The following LOXHD1 variants were observed in gnomAD, a reference collection of about 807,000 sequenced individuals.
The protein encoded by LOXHD1 is lipoxygenase homology domain-containing protein 1.
LOXHD1 carries 205 observed loss-of-function variants against 248.2 expected under a neutral mutation model. That is an observed-to-expected ratio of 0.83 (90% CI 0.74 to 0.93). The LOEUF (loss-of-function observed/expected upper bound fraction) is 0.93. LOXHD1 is among the 40% of genes least tolerant of loss of function. LOXHD1 has a pLI of 0.00. For synonymous variants in LOXHD1, 1,113 were observed against 1,162.8 expected (o/e 0.96, Z 0.87); for missense variants, 2,930 against 2,971.6 (o/e 0.99, Z 0.33).
In LOXHD1 at chr18:46,489,061, C is replaced by G. The variant is rs541903327; in HGVS notation, c.5960G>C (p.Cys1987Ser). Reference sequence around the variant, plus strand: ...GTCACCCTCACTCTTGGAGAGCCAGCAGTCACACTGGAAGTGGAAGGTCTC... The same window carrying G: ...GTCACCCTCACTCTTGGAGAGCCAGGAGTCACACTGGAAGTGGAAGGTCTC... ...RDETFHFQCD[C>S]WLSKSEGDGQ... is the part of the protein sequence containing the mutation. Residue 1987 changes from cysteine (C) to serine (S), a missense_variant, in exon 38 of 41, where the codon TGC (cysteine) becomes TCC (serine). Cys to Ser is a moderately radical substitution (Grantham distance 112, BLOSUM62 -1). Coordinates refer to ENST00000642948, the MANE Select transcript of LOXHD1 (RefSeq NM_001384474.1). 6.4e-7 allele frequency: 1 copy of G among 1,551,726 alleles called. No individual in the cohort carries two copies. Among genetic ancestry groups the G allele is most frequent in the South Asian group, 1.2e-5 (1 of 84,064 alleles).
intron 25 of LOXHD1, among the ~76,000 whole-genome samples, chr18:46,539,129 C>T (rs1159833893): frequency 1.3e-5 from 2 of 152,150 alleles, no homozygotes; most frequent in Non-Finnish European, 2.9e-5. Flanking sequence ...GGGTGGAAGA[C>T]CTTTGCTTCA....
chr18:46,625,243 G>C (rs562611258), intron 4 of LOXHD1, among the ~76,000 whole-genome samples: 4 of 152,128 alleles, frequency 2.6e-5, no homozygotes, highest in South Asian at 4.1e-4. Flanking sequence ...CACAGCTCCC[G>C]GTGTGTGCGT....
rs1468549117 is a variant in LOXHD1 at position 46,538,235 on chromosome 18, T to C, written c.4016A>G (p.Gln1339Arg). 1.3e-6 allele frequency: 2 copies of C among 1,550,710 alleles called. No homozygotes were observed. Among genetic ancestry groups the C allele is most frequent in the Non-Finnish European group, 1.7e-6 (2 of 1,146,108 alleles). The change falls in exon 26 of 41, where the codon CAG becomes CGG. Residue 1339 changes from glutamine (Q) to arginine (R), a missense_variant. Gln to Arg is a conservative substitution (Grantham distance 43). Transcript: ENST00000642948. ...CTTGTTGGTACACAGATACTTCTGCTGGGTGCACACGGCATCGCAGCCATA... is the reference window on the plus strand; with the variant it reads ...CTTGTTGGTACACAGATACTTCTGCCGGGTGCACACGGCATCGCAGCCATA... ...IIYGCDAVCT[Q>R]QKYLCTNKRE...
At chr18:46,636,274 A>T (rs1169981291) in intron 4 of LOXHD1, among the ~76,000 whole-genome samples, 4 of 152,218 alleles carry the variant, frequency 2.6e-5, no homozygotes, top group Admixed American at 2.6e-4. Flanking sequence ...AGAAGAGCCT[A>T]GAGACGAAAC....
Position 46,577,715 on chromosome 18 carries a change from T to A in LOXHD1, c.1962A>T (p.Pro654=). ...GQPESDNVEF[P]CLRWLDKDKD... ...AGGCAGGACGCATGTACCTGAGACA[T>A]GGGAACTCCACGTTGTCGCTCTCAG... Residue 654 remains proline (P), a synonymous_variant, in exon 14 of 41, where the codon CCA becomes CCT. Coordinates refer to ENST00000642948, the MANE Select transcript of LOXHD1 (RefSeq NM_001384474.1). The A allele has an allele frequency of 6.4e-7, 1 of 1,551,074 alleles. No individual in the cohort carries two copies. Among genetic ancestry groups the A allele is most frequent in the South Asian group, 1.2e-5 (1 of 84,038 alleles).
Position 46,542,878 on chromosome 18 carries a change from A to C in LOXHD1, c.3620-23T>G, listed in dbSNP as rs1321813407. ...TTCCTGTGGATCAGATGACCCCAGC[A>C]TGACTGGCTGGACCTGAGGCCTTTC... On this transcript the variant is annotated intron_variant, in intron 23 of 40. Transcript: ENST00000642948. 9 of 1,551,738 alleles carry C rather than the reference A, an allele frequency of 5.8e-6. No individual in the cohort carries two copies. In the East Asian group the frequency reaches 2.0e-4, roughly 34 times the overall value.
intron 6 of LOXHD1, among the ~76,000 whole-genome samples, chr18:46,610,221 T>TA: frequency 6.6e-6 from 1 of 152,118 alleles, no homozygotes; most frequent in African/African-American, 2.4e-5. Context: ...GGGCTTCCTG[T>TA]AAAAAAGGAT....
Position 46,533,121 on chromosome 18 carries a change from G to C in LOXHD1, c.4375+41C>G, listed in dbSNP as rs567096025. 13 of 1,548,486 alleles carry C rather than the reference G, an allele frequency of 8.4e-6. 1 individual carries two copies. In the East Asian group the frequency reaches 1.5e-4, roughly 17 times the overall value. On this transcript the variant is annotated intron_variant, in intron 28 of 40. Transcript: ENST00000642948. ...TGTGCTCAGGAGGACCAGGGTCCTG[G>C]AGCCTTCCCATGGTGATGAGGGTGG...
chr18:46,489,645 CT>C (rs1453980898), intron 37 of LOXHD1, among the ~76,000 whole-genome samples: 1 of 152,206 alleles, frequency 6.6e-6, no homozygotes, highest in Non-Finnish European at 1.5e-5. Flanking sequence ...CTGATGTCCC[CT>C]GATCACCTGC....
At chr18:46,639,412 A>G (rs183907871) in intron 4 of LOXHD1, among the ~76,000 whole-genome samples, 63 of 152,288 alleles carry the variant, frequency 4.1e-4, no homozygotes, top group African/African-American at 1.5e-3. Flanking sequence ...CACCTCCTTG[A>G]ACCCCTAGAG....
chr18:46,493,895 C>A (rs1462207297), intron 37 of LOXHD1, among the ~76,000 whole-genome samples: 1 of 152,222 alleles, frequency 6.6e-6, no homozygotes, highest in Non-Finnish European at 1.5e-5. Flanking sequence ...TGACTCCAAT[C>A]ATCTTATCTC....
intron 8 of LOXHD1, among the ~76,000 whole-genome samples, chr18:46,596,103 T>A (rs2038252917): frequency 6.6e-6 from 1 of 151,750 alleles, no homozygotes; most frequent in African/African-American, 2.4e-5. Flanking sequence ...ATTGTTTTGT[T>A]AAACATAACT....
intron 21 of LOXHD1, among the ~76,000 whole-genome samples, chr18:46,553,639 C>G (rs1012892199): frequency 1.3e-5 from 2 of 152,166 alleles, no homozygotes; most frequent in African/African-American, 2.4e-5. Flanking sequence ...GTGGACACAG[C>G]AGTAAATGAA....
At chr18:46,634,375 C>A (rs2038865902) in intron 4 of LOXHD1, among the ~76,000 whole-genome samples, 2 of 152,174 alleles carry the variant, frequency 1.3e-5, no homozygotes, top group Non-Finnish European at 2.9e-5. Flanking sequence ...GTATCCCTAA[C>A]ACAGAAATCC....
At chr18:46,639,549 G>A (rs752439333) in intron 4 of LOXHD1, 67 bp downstream of exon 4, 17 of 1,498,934 alleles carry the variant, frequency 1.1e-5, no homozygotes, top group African/African-American at 4.1e-5. Flanking sequence ...AGACAGGCAC[G>A]ATTCTTTCCT....
chr18:46,640,225 G>A (rs1282983301), intron 3 of LOXHD1, among the ~76,000 whole-genome samples: 1 of 152,158 alleles, frequency 6.6e-6, no homozygotes, highest in East Asian at 1.9e-4. Flanking sequence ...GGTCAAACAG[G>A]ACAGTAAAGG....
rs1256277774 is a variant in LOXHD1, at chr18:46,494,847, C to CTTTTTTTTTT, written c.5879-5706_5879-5705insAAAAAAAAAA. On this transcript the variant is annotated intron_variant, in intron 37 of 40. Transcript: ENST00000642948. ...ATTTTTCTTTCTCCTTTTTCTCTCTCTCTTTTTTTTTTTTTTTTTTTTTTG... is the reference window on the plus strand; with the variant it reads ...ATTTTTCTTTCTCCTTTTTCTCTCTCTTTTTTTTTTTCTTTTTTTTTTTTTTTTTTTTTTG... Among the ~76,000 whole-genome samples, 312 of 113,256 alleles carry CTTTTTTTTTT rather than the reference C, an allele frequency of 2.8e-3. 9 individuals are homozygous for CTTTTTTTTTT. The highest frequency in any genetic ancestry group is 4.3e-3 in the Non-Finnish European group (221 of 51,990). The allele number at this position is 113,256 out of a possible 152,430, so 74.3% of individuals were successfully genotyped here. A position where few individuals can be genotyped will look rare whatever the true frequency, so the allele number is the denominator to read the frequency against.
intron 4 of LOXHD1, among the ~76,000 whole-genome samples, chr18:46,627,334 A>C (rs1369850205): frequency 6.6e-6 from 1 of 151,934 alleles, no homozygotes; most frequent in Non-Finnish European, 1.5e-5. Flanking sequence ...ACTTTCTCTG[A>C]CTCTCACTGG....
chr18:46,604,107 T>C lies in LOXHD1; in HGVS notation c.882A>G (p.Thr294=). The C allele has an allele frequency of 6.4e-7, 1 of 1,551,734 alleles. No homozygotes were observed. The highest frequency in any genetic ancestry group is 8.7e-7 in the Non-Finnish European group (1 of 1,146,986). The part of the protein sequence containing the change: ...RDILVGGAET[T]AITYIVTVFT... ...AGCCTCCCCTTTCTTCAAATCTACC[T>C]GTGGTCTCAGCTCCGCCCACTAAGA... Residue 294 remains threonine (T), a splice_region_variant and synonymous_variant, in exon 7 of 41, where the codon ACA becomes ACG. Coordinates refer to ENST00000642948, the MANE Select transcript of LOXHD1 (RefSeq NM_001384474.1).
Sources: gnomAD v4.1 joint callset for allele counts (sites outside exome capture counted in the v4.1 genomes callset) on GRCh38, gnomAD v4.1.1 for gene constraint, MANE v1.5 for transcripts, NCBI Gene and HGNC (gene_info 2026-07-23, HGNC 2026-07-21) for gene names.